SLC15A2: variants seen among roughly 807,000 people sequenced by gnomAD.
SLC15A2 encodes the protein solute carrier family 15 member 2, also known as kidney H(+)/peptide cotransporter.
SLC15A2 carries 77 observed loss-of-function variants against 95.5 expected under a neutral mutation model. The observed-to-expected ratio is 0.81, with a 90% CI of 0.67 to 0.97. The LOEUF is 0.97. Ranked by LOEUF, SLC15A2 falls within the 50% of genes least tolerant of loss-of-function variation. The pLI is 0.00. For missense variants in SLC15A2, 893 were observed against 874.4 expected (o/e 1.02, Z -0.27); for synonymous variants, 306 against 306.9 (o/e 1.00, Z 0.03).
chr3:121,925,012 CCAAGTGTGGAATT>C lies in SLC15A2; in HGVS notation c.1104_1116del (p.Lys369ThrfsTer12). 6.2e-7 allele frequency: 1 copy of C among 1,612,754 alleles called. No individual in the cohort carries two copies. The highest frequency in any genetic ancestry group is 8.5e-7 in the Non-Finnish European group (1 of 1,178,844). ...GACTTTGTCATTTATCGTCTGGTCT[CCAAGTGTGGAATT>C]AACTTCTCGTAAGTGTTCACTATGT... On this transcript the variant is annotated frameshift_variant, in exon 13 of 22. Coordinates refer to ENST00000489711, the MANE Select transcript of SLC15A2 (RefSeq NM_021082.4). LOFTEE classifies it high-confidence loss of function.
chr3:121,938,877 C>T (rs2332043), intron 19 of SLC15A2, among the ~76,000 whole-genome samples: 3,881 of 152,318 alleles, frequency 0.025, 148 homozygotes, highest in African/African-American at 0.088. Flanking sequence ...TAATCTTGTT[C>T]ATTTTCTTCA....
rs1202253486 is a variant in SLC15A2 at position 121,915,310 on chromosome 3, G to A, written c.612G>A (p.Met204Ile). 1 of 1,594,830 alleles carries A rather than the reference G, an allele frequency of 6.3e-7. No homozygotes were observed. Among genetic ancestry groups the A allele is most frequent in the Admixed American group, 1.7e-5 (1 of 58,956 alleles). ...TGATTTCTACATTTATCACACCCAT[G>A]CTGAGAGGTTAGGATTTTTTTGAGG... ...GSLISTFITP[M>I]LRGDVQCFGE... The change falls in exon 6 of 22, where the codon ATG (methionine) becomes ATA (isoleucine). Residue 204 changes from methionine to isoleucine, a missense_variant. Met to Ile is a conservative substitution (Grantham distance 10). Coordinates refer to ENST00000489711, the MANE Select transcript of SLC15A2 (RefSeq NM_021082.4).
chr3:121,938,472 C>T (rs917142494), intron 19 of SLC15A2, among the ~76,000 whole-genome samples: 3 of 152,220 alleles, frequency 2.0e-5, no homozygotes, highest in Non-Finnish European at 4.4e-5. Context: ...CGTGGTGCGC[C>T]GTTTTTTAAG....
rs149740080 is a variant in SLC15A2, at chr3:121,930,911, A to T, written c.1625A>T (p.Asp542Val). 2.5e-6 allele frequency: 4 copies of T among 1,613,406 alleles called. No homozygotes were observed. ...GATACCTCTCTCAATGTTGGTGAAG[A>T]CTATGGTGTGTCTGCTTATAGAACT... ...STDTSLNVGEDYGVSAYRTVQ... is the reference protein window; with the variant it reads ...STDTSLNVGEVYGVSAYRTVQ... Residue 542 changes from aspartate to valine, a missense_variant, in exon 18 of 22, where the codon GAC (aspartate) becomes GTC (valine). By Grantham distance (152) the Asp-to-Val change is radical (BLOSUM62 -3). Transcript: ENST00000489711.
At chr3:121,935,154 G>A (rs1353137156) in intron 19 of SLC15A2, among the ~76,000 whole-genome samples, 1 of 152,178 alleles carries the variant, frequency 6.6e-6, no homozygotes, top group Middle Eastern at 3.2e-3. Context: ...TGTGCTGCTG[G>A]ATTCGTTTTG....
In SLC15A2 at chr3:121,896,470, G is replaced by T. The variant is rs1920305; in HGVS notation, c.170G>T (p.Arg57Leu). 6.2e-7 allele frequency: 1 copy of T among 1,613,976 alleles called. No individual in the cohort carries two copies. Among genetic ancestry groups the T allele is most frequent in the Non-Finnish European group, 8.5e-7 (1 of 1,179,904 alleles). ...ATTGTGGTGAATGAATTCTGCGAGC[G>T]CTTTTCCTATTATGGAATGAAAGGT... is the stretch of plus-strand genomic sequence containing the variant. ...AFIVVNEFCERFSYYGMKAVL... is the reference protein window; with the variant it reads ...AFIVVNEFCELFSYYGMKAVL... The change falls in exon 2 of 22, where the codon CGC becomes CTC. Residue 57 changes from arginine (R) to leucine (L), a missense_variant. Physicochemically the swap from Arg to Leu is moderately radical, Grantham distance 102. Transcript: ENST00000489711.
intron 19 of SLC15A2, among the ~76,000 whole-genome samples, chr3:121,932,440 G>T (rs1468694702): frequency 6.6e-6 from 1 of 152,100 alleles, no homozygotes; most frequent in Non-Finnish European, 1.5e-5. Flanking sequence ...CTGGAAATTT[G>T]ATCTGCTAGC....
rs150042874 is a variant in SLC15A2, at chr3:121,931,929, C to T, written c.1761+194C>T. ...TTTTATTTTTTTTGAGACAGAGTTTCGCTCTCATCGCGCAGGCTGGAGTGC... is the reference window on the plus strand; with the variant it reads ...TTTTATTTTTTTTGAGACAGAGTTTTGCTCTCATCGCGCAGGCTGGAGTGC... On this transcript the variant is annotated intron_variant, in intron 19 of 21. Coordinates refer to ENST00000489711, the MANE Select transcript of SLC15A2 (RefSeq NM_021082.4). Among the ~76,000 whole-genome samples the T allele has an allele frequency of 2.0e-3, 299 of 152,188 alleles. 3 individuals carry two copies. Among genetic ancestry groups the T allele is most frequent in the African/African-American group, 6.6e-3 (273 of 41,520 alleles).
At chr3:121,937,205 CT>C (rs1322558909) in intron 19 of SLC15A2, among the ~76,000 whole-genome samples, 1 of 76,432 alleles carries the variant, frequency 1.3e-5, no homozygotes, top group Non-Finnish European at 2.5e-5. Flanking sequence ...ACATTTTTTC[CT>C]TCATTTCAAC....
At chr3:121,939,321 G>T (rs371046646) in intron 19 of SLC15A2, 28 bp from the exon 20 acceptor site, 2 of 1,466,338 alleles carry the variant, frequency 1.4e-6, no homozygotes, top group Non-Finnish European at 1.8e-6. Context: ...CTACTGACAA[G>T]TCCATTTCCA....
chr3:121,921,872 T>C (rs1310531413), intron 7 of SLC15A2, among the ~76,000 whole-genome samples: 1 of 152,182 alleles, frequency 6.6e-6, no homozygotes, highest in Non-Finnish European at 1.5e-5. Context: ...GATATGGAGA[T>C]GGAGAAAGAA....
At chr3:121,903,752 C>A (rs947817386) in intron 3 of SLC15A2, among the ~76,000 whole-genome samples, 22 of 152,102 alleles carry the variant, frequency 1.4e-4, no homozygotes, top group Admixed American at 1.1e-3. Context: ...TGGTTACTGT[C>A]GCCTTGTAGT....
chr3:121,939,913 C>T (rs912390856), intron 20 of SLC15A2, among the ~76,000 whole-genome samples: 5 of 152,070 alleles, frequency 3.3e-5, no homozygotes, highest in Non-Finnish European at 5.9e-5. Context: ...TCAAGCGATT[C>T]TCCTGCCTCA....
chr3:121,932,104 G>C (rs1473390637), intron 19 of SLC15A2, among the ~76,000 whole-genome samples: 1 of 151,938 alleles, frequency 6.6e-6, no homozygotes, highest in Admixed American at 6.6e-5. Flanking sequence ...GGGTTTTGCC[G>C]TGTTGGCCAG....
At chr3:121,913,308 AG>A (rs986246252) in intron 5 of SLC15A2, among the ~76,000 whole-genome samples, 188 bp downstream of exon 5, 6 of 152,226 alleles carry the variant, frequency 3.9e-5, no homozygotes, top group Non-Finnish European at 8.8e-5. Context: ...GAAAGAGACC[AG>A]GGTGGTAGAT....
chr3:121,928,201 G>T, intron 14 of SLC15A2: 2 of 582,664 alleles, frequency 3.4e-6, no homozygotes, highest in Middle Eastern at 4.6e-4. Flanking sequence ...GAGTCAAAAA[G>T]CATCGAGTTT....
intron 18 of SLC15A2, 112 bp from the exon 19 acceptor site, chr3:121,931,527 G>T (rs755847913): frequency 1.3e-5 from 8 of 596,490 alleles, no homozygotes; most frequent in Non-Finnish European, 3.0e-6. Flanking sequence ...ATAATTAGTG[G>T]CTTCACTGCT....
At chr3:121,914,961 T>A in intron 5 of SLC15A2, 1 of 1,188,252 alleles carries the variant, frequency 8.4e-7, no homozygotes, top group Non-Finnish European at 1.0e-6. Flanking sequence ...GATACGGTAG[T>A]GGCACTGAAG....
Position 121,941,457 on chromosome 3 carries a change from A to G in SLC15A2, c.*450A>G, listed in dbSNP as rs969678400. 4 of 152,760 alleles carry G rather than the reference A, an allele frequency of 2.6e-5. No individual in the cohort carries two copies. Among genetic ancestry groups the G allele is most frequent in the African/African-American group, 9.7e-5 (4 of 41,422 alleles). The allele number at this position is 152,760 out of a possible 1,614,324, so 9.5% of individuals were successfully genotyped here. On this transcript the variant is annotated 3_prime_UTR_variant, in exon 22 of 22. Transcript: ENST00000489711. ...TTTTTATAAGCAATGTAATTATGCT[A>G]TTCACAGGGGCCTCAAGAATTGGTA...
Sources: gnomAD v4.1 joint callset for allele counts (sites outside exome capture counted in the v4.1 genomes callset) on GRCh38, gnomAD v4.1.1 for gene constraint, MANE v1.5 for transcripts, NCBI Gene and HGNC (gene_info 2026-07-23, HGNC 2026-07-21) for gene names.